Variants in CERS3 observed in about 807,000 individuals in gnomAD.
CERS3 encodes ceramide synthase 3.
A neutral mutation model predicts 50.3 loss-of-function variants in CERS3; 33 were observed. The ratio of observed to expected loss-of-function variants is 0.66; its 90% CI spans 0.50 to 0.88. The LOEUF (loss-of-function observed/expected upper bound fraction) is 0.88. Ranked by LOEUF, CERS3 falls within the 40% of genes least tolerant of loss-of-function variation. The pLI is 0.00. For missense variants in CERS3, 470 were observed against 460.3 expected (o/e 1.02, Z -0.19); for synonymous variants, 176 against 155.2 (o/e 1.13, Z -0.99).
intron 3 of CERS3, among the ~76,000 whole-genome samples, chr15:100,493,435 G>A (rs1306742260): frequency 6.6e-6 from 1 of 152,142 alleles, no homozygotes; most frequent in Non-Finnish European, 1.5e-5. Context: ...TTCCTTGTAT[G>A]TGATGAGTTG....
In CERS3 at chr15:100,402,453, G is replaced by C; in HGVS notation, c.*260C>G. ...TGACATGCATGAGGGAGTGCAATTA[G>C]AACTGAGACGGTTCTGTGGAGAAAT... On this transcript the variant is annotated 3_prime_UTR_variant, in exon 12 of 12. Coordinates refer to ENST00000679737, the MANE Select transcript of CERS3 (RefSeq NM_001378789.1). The C allele has an allele frequency of 2.2e-6, 1 of 462,962 alleles. No homozygotes were observed. Among genetic ancestry groups the C allele is most frequent in the Non-Finnish European group, 3.9e-6 (1 of 259,182 alleles). 28.7% of individuals were successfully genotyped at this position (462,962 alleles called of 1,614,324 possible). A position where few individuals can be genotyped will look rare whatever the true frequency, so the allele number is the denominator to read the frequency against.
At chr15:100,425,874 G>C (rs1485149333) in intron 11 of CERS3, 2 of 149,884 alleles carry the variant, frequency 1.3e-5, no homozygotes, top group Non-Finnish European at 3.0e-5. Context: ...GGAGGTGACT[G>C]GATCAAGGGG....
intron 5 of CERS3, 42 bp downstream of exon 5, chr15:100,484,508 A>T (rs2035428680): frequency 7.4e-7 from 1 of 1,356,700 alleles, no homozygotes; most frequent in African/African-American, 1.4e-5. Context: ...TCAGCTCCAG[A>T]TAGGACGGCA....
intron 3 of CERS3, among the ~76,000 whole-genome samples, chr15:100,496,213 G>A (rs951235384): frequency 3.3e-5 from 5 of 152,104 alleles, no homozygotes; most frequent in African/African-American, 1.2e-4. Context: ...GCATATATCT[G>A]CACAAATTCT....
Position 100,472,999 on chromosome 15 carries a change from G to C in CERS3, c.663C>G (p.Phe221Leu). ...HHLAAISLMS[F>L]SWCANYIRSG... Reference sequence around the variant, plus strand: ...TGCGAATATAATTAGCACACCAAGAGAAGCTCATCAGACTAATAGCAGCCA... The same window carrying C: ...TGCGAATATAATTAGCACACCAAGACAAGCTCATCAGACTAATAGCAGCCA... The change falls in exon 9 of 12, where the codon TTC (phenylalanine) becomes TTG (leucine). Residue 221 changes from phenylalanine (F) to leucine (L), a missense_variant. Coordinates refer to ENST00000679737, the MANE Select transcript of CERS3 (RefSeq NM_001378789.1). The C allele has an allele frequency of 6.2e-7, 1 of 1,613,924 alleles. No homozygotes were observed. Among genetic ancestry groups the C allele is most frequent in the Non-Finnish European group, 8.5e-7 (1 of 1,179,904 alleles).
At chr15:100,444,204 T>C (rs1416796080) in intron 11 of CERS3, among the ~76,000 whole-genome samples, 1 of 152,118 alleles carries the variant, frequency 6.6e-6, no homozygotes, top group African/African-American at 2.4e-5. Flanking sequence ...CAAACTATGC[T>C]CAACTCACTC....
intron 11 of CERS3, among the ~76,000 whole-genome samples, chr15:100,407,024 C>A (rs558772256): frequency 6.6e-6 from 1 of 152,074 alleles, no homozygotes; most frequent in Admixed American, 6.6e-5. Context: ...GAGAACAGCA[C>A]GGGAAAGACC....
intron 11 of CERS3, among the ~76,000 whole-genome samples, chr15:100,425,387 C>T (rs945399383): frequency 6.6e-6 from 1 of 152,232 alleles, no homozygotes; most frequent in African/African-American, 2.4e-5. Flanking sequence ...CAGAGCTGCC[C>T]AGGGCCTTAG....
In CERS3 at chr15:100,401,939, A is replaced by C. The variant is rs2030568508; in HGVS notation, c.*774T>G. The C allele has an allele frequency of 6.6e-6, 1 of 152,254 alleles. No homozygotes were observed. Among genetic ancestry groups the C allele is most frequent in the African/African-American group, 2.4e-5 (1 of 41,450 alleles). 9.4% of individuals were successfully genotyped at this position (152,254 alleles called of 1,614,324 possible). On this transcript the variant is annotated 3_prime_UTR_variant, in exon 12 of 12. Transcript: ENST00000679737. ...ATGACCCTTGGGGAGCTAATGCATA[A>C]ATAGTTAGCAAATAAAATGGAACAC...
intron 11 of CERS3, among the ~76,000 whole-genome samples, chr15:100,406,837 G>T (rs1419903393): frequency 6.6e-6 from 1 of 152,170 alleles, no homozygotes; most frequent in Non-Finnish European, 1.5e-5. Flanking sequence ...AAGAAAAAAA[G>T]GTTTAATGAA....
intron 2 of CERS3, among the ~76,000 whole-genome samples, chr15:100,508,289 A>G (rs1398087358): frequency 6.6e-6 from 1 of 152,040 alleles, no homozygotes; most frequent in Non-Finnish European, 1.5e-5. Context: ...TGGAAATGTG[A>G]TAATGACACT....
intron 1 of CERS3, among the ~76,000 whole-genome samples, chr15:100,522,302 G>A (rs1241045309): frequency 6.6e-6 from 1 of 152,150 alleles, no homozygotes; most frequent in Non-Finnish European, 1.5e-5. Context: ...GAATTCCTTG[G>A]GAGAGATTTT....
intron 11 of CERS3, among the ~76,000 whole-genome samples, chr15:100,446,187 C>T (rs892435067): frequency 3.9e-5 from 6 of 152,164 alleles, no homozygotes; most frequent in Admixed American, 2.0e-4. Flanking sequence ...GGTCTCTTCA[C>T]ACAGACGTGC....
At chr15:100,503,472 T>C (rs954776568) in intron 2 of CERS3, among the ~76,000 whole-genome samples, 10 of 152,196 alleles carry the variant, frequency 6.6e-5, no homozygotes, top group African/African-American at 2.4e-4. Context: ...GCTAAGGAGT[T>C]TGGCATTTAG....
At chr15:100,481,333 T>A (rs2035293985) in intron 5 of CERS3, among the ~76,000 whole-genome samples, 1 of 152,166 alleles carries the variant, frequency 6.6e-6, no homozygotes, top group Non-Finnish European at 1.5e-5. Context: ...GAGAAAAAAG[T>A]AGGGTTCAAT....
chr15:100,416,925 A>G (rs889426542), intron 11 of CERS3, among the ~76,000 whole-genome samples: 1 of 152,236 alleles, frequency 6.6e-6, no homozygotes, highest in African/African-American at 2.4e-5. Context: ...ACAAGAACAG[A>G]TATTTCTCAA....
chr15:100,467,615 G>A (rs1411773438), intron 10 of CERS3, among the ~76,000 whole-genome samples: 4 of 151,882 alleles, frequency 2.6e-5, no homozygotes, highest in East Asian at 3.9e-4. Flanking sequence ...CAATTGGAAC[G>A]TGTAGTGCCT....
intron 11 of CERS3, among the ~76,000 whole-genome samples, chr15:100,423,153 C>T (rs1203153255): frequency 6.6e-6 from 1 of 151,314 alleles, no homozygotes; most frequent in African/African-American, 2.4e-5. Flanking sequence ...AAAAGGAATG[C>T]TTATAAACTA....
chr15:100,484,758 T>C, intron 4 of CERS3, 90 bp from the exon 5 acceptor site: 2 of 926,472 alleles, frequency 2.2e-6, no homozygotes, highest in Non-Finnish European at 3.5e-6. Flanking sequence ...TACAAGAGCT[T>C]CGGTACTGGG....
Sources: gnomAD v4.1 joint callset for allele counts (sites outside exome capture counted in the v4.1 genomes callset) on GRCh38, gnomAD v4.1.1 for gene constraint, MANE v1.5 for transcripts, NCBI Gene and HGNC (gene_info 2026-07-23, HGNC 2026-07-21) for gene names.